The following SETD6 variants were observed in gnomAD, a reference collection of about 807,000 sequenced individuals.
The protein encoded by SETD6 is N-lysine methyltransferase SETD6.
A neutral mutation model predicts 52.7 loss-of-function variants in SETD6; 67 were observed. That is an observed-to-expected ratio of 1.27 (90% confidence interval 1.04 to 1.56). The LOEUF is 1.56. Ranked by LOEUF, SETD6 falls within the 40% of genes most tolerant of loss-of-function variation. The probability of loss-of-function intolerance (pLI) is 0.00; values close to 1 mark genes in which losing one functional copy is unlikely to be tolerated. For missense variants in SETD6, 712 were observed against 607.5 expected, an observed-to-expected ratio of 1.17 and a Z score of -1.81; for synonymous variants, 307 against 250.2, an observed-to-expected ratio of 1.23 and a Z score of -2.14.
chr16:58,523,262 A>C lies in SETD6; in HGVS notation c.*4233A>C, dbSNP rs563366105. ...TCCGTCTCAAAAAAACAAAAAAAAA[A>C]CCAACCAAACGGATTTTCACTGAAC... On this transcript the variant is annotated 3_prime_UTR_variant, in exon 8 of 8. Coordinates refer to ENST00000219315, the MANE Select transcript of SETD6 (RefSeq NM_001160305.4). 1.4e-4 allele frequency: 173 copies of C among 1,272,590 alleles called. No homozygotes were observed. Among genetic ancestry groups the C allele is most frequent in the South Asian group, 7.2e-4 (40 of 55,438 alleles). The allele number at this position is 1,272,590 out of a possible 1,614,324, so 78.8% of individuals were successfully genotyped here. A position where few individuals can be genotyped will look rare whatever the true frequency, so the allele number is the denominator to read the frequency against.
chr16:58,516,768 C>G (rs765507593), intron 4 of SETD6, 40 bp from the exon 5 acceptor site: 6 of 1,612,996 alleles, frequency 3.7e-6, no homozygotes, highest in African/African-American at 2.7e-5. Flanking sequence ...CCCAGTCCCT[C>G]ACCCAAGACA....
Position 58,519,526 on chromosome 16 carries a change from A to ACTT in SETD6, c.*499_*501dup, listed in dbSNP as rs1330930543. On this transcript the variant is annotated 3_prime_UTR_variant, in exon 8 of 8. Coordinates refer to ENST00000219315, the MANE Select transcript of SETD6 (RefSeq NM_001160305.4). ...AACCCTAAGACATCACTCAAGGAGG[A>ACTT]CTTCAATTATTTAATTTTGAACTGT... The ACTT allele has an allele frequency of 1.3e-5, 2 of 154,216 alleles. No homozygotes were observed. The highest frequency in any genetic ancestry group is 4.8e-5 in the African/African-American group (2 of 41,432). 9.6% of individuals were successfully genotyped at this position (154,216 alleles called of 1,614,324 possible). A position where few individuals can be genotyped will look rare whatever the true frequency, so the allele number is the denominator to read the frequency against.
In SETD6 at chr16:58,519,307, A is replaced by G. The variant is rs1265061205; in HGVS notation, c.*278A>G. Reference sequence around the variant, plus strand: ...CAAAGCCAGTGGACATACGGTAGTAATAAGTAAGTCTTGTTGTGTTTCAGC... The same window carrying G: ...CAAAGCCAGTGGACATACGGTAGTAGTAAGTAAGTCTTGTTGTGTTTCAGC... On this transcript the variant is annotated 3_prime_UTR_variant, in exon 8 of 8. Coordinates refer to ENST00000219315, the MANE Select transcript of SETD6 (RefSeq NM_001160305.4). 1.1e-5 allele frequency: 4 copies of G among 366,862 alleles called. No individual in the cohort carries two copies. Among genetic ancestry groups the G allele is most frequent in the Admixed American group, 8.9e-5 (2 of 22,416 alleles). The allele number at this position is 366,862 out of a possible 1,614,324, so 22.7% of individuals were successfully genotyped here.
Position 58,519,254 on chromosome 16 carries a change from T to A in SETD6, c.*225T>A. ...ACTGCTAATTGTTACTTAAAGCATGTTACAGATGTTTTGTTCTCAGTTTTA... is the reference window on the plus strand; with the variant it reads ...ACTGCTAATTGTTACTTAAAGCATGATACAGATGTTTTGTTCTCAGTTTTA... On this transcript the variant is annotated 3_prime_UTR_variant, in exon 8 of 8. Transcript: ENST00000219315. 1.9e-6 allele frequency: 1 copy of A among 528,754 alleles called. No homozygotes were observed. The highest frequency in any genetic ancestry group is 3.3e-6 in the Non-Finnish European group (1 of 299,554). 32.8% of individuals were successfully genotyped at this position (528,754 alleles called of 1,614,324 possible). A position where few individuals can be genotyped will look rare whatever the true frequency, so the allele number is the denominator to read the frequency against.
chr16:58,518,912 A>G lies in SETD6; in HGVS notation c.1305A>G (p.Gln435=). The change falls in exon 8 of 8, where the codon CAA becomes CAG. Residue 435 remains glutamine, a synonymous_variant. Transcript: ENST00000219315. The part of the protein sequence containing the change: ...QTYATDLKTD[Q]GLLSNKEVYA... ...ATGCCACAGACTTAAAAACTGACCA[A>G]GGTTTACTCAGTAATAAGGAAGTCT... is the stretch of plus-strand genomic sequence containing the variant. The G allele has an allele frequency of 1.2e-6, 2 of 1,614,226 alleles. No individual in the cohort carries two copies. The highest frequency in any genetic ancestry group is 4.5e-5 in the East Asian group (2 of 44,886).
intron 1 of SETD6, 73 bp downstream of exon 1, chr16:58,515,637 T>C: frequency 7.0e-7 from 1 of 1,426,766 alleles, no homozygotes. Flanking sequence ...ACCGTCCGCC[T>C]GCGCCCCCTC....
chr16:58,517,765 T>C lies in SETD6; in HGVS notation c.793-286T>C, dbSNP rs58471244. 8.9e-4 allele frequency: 398 copies of C among 445,062 alleles called. 5 individuals carry two copies. Among genetic ancestry groups the C allele is most frequent in the African/African-American group, 7.7e-3 (368 of 48,008 alleles). 27.6% of individuals were successfully genotyped at this position (445,062 alleles called of 1,614,324 possible). A position where few individuals can be genotyped will look rare whatever the true frequency, so the allele number is the denominator to read the frequency against. On this transcript the variant is annotated intron_variant, in intron 5 of 7. Transcript: ENST00000219315. ...TGCTGGGATTACAGGTGTGAGCCAC[T>C]GCGCCTGGCCGAAAATTTCGTTTTT...
Position 58,519,294 on chromosome 16 carries a change from A to G in SETD6, c.*265A>G, listed in dbSNP as rs567016484. 2.0e-5 allele frequency: 8 copies of G among 407,442 alleles called. No individual in the cohort carries two copies. The highest frequency in any genetic ancestry group is 1.4e-4 in the African/African-American group (7 of 49,934). The allele number at this position is 407,442 out of a possible 1,614,324, so 25.2% of individuals were successfully genotyped here. ...TCTCAGTTTTAACCAAAGCCAGTGG[A>G]CATACGGTAGTAATAAGTAAGTCTT... On this transcript the variant is annotated 3_prime_UTR_variant, in exon 8 of 8. Transcript: ENST00000219315.
Position 58,521,215 on chromosome 16 carries a change from A to G in SETD6, c.*2186A>G. 4 of 1,614,118 alleles carry G rather than the reference A, an allele frequency of 2.5e-6. No individual in the cohort carries two copies. Among genetic ancestry groups the G allele is most frequent in the Non-Finnish European group, 3.4e-6 (4 of 1,180,022 alleles). On this transcript the variant is annotated 3_prime_UTR_variant, in exon 8 of 8. Transcript: ENST00000219315. Reference sequence around the variant, plus strand: ...TTTCTGGGGCACAGTGTACAAATTCATGGTTCCAGAACTTAAACGCTGGGT... The same window carrying G: ...TTTCTGGGGCACAGTGTACAAATTCGTGGTTCCAGAACTTAAACGCTGGGT...
In SETD6 at chr16:58,523,549, C is replaced by T. The variant is rs1270011986; in HGVS notation, c.*4520C>T. ...CTTAGGACTTAGTCTGAAAGGCCAA[C>T]ATGGGAAGACAGTTCTAACTGGCTA... On this transcript the variant is annotated 3_prime_UTR_variant, in exon 8 of 8. Coordinates refer to ENST00000219315, the MANE Select transcript of SETD6 (RefSeq NM_001160305.4). 1 of 1,592,982 alleles carries T rather than the reference C, an allele frequency of 6.3e-7. No individual in the cohort carries two copies. The highest frequency in any genetic ancestry group is 2.2e-5 in the East Asian group (1 of 44,740).
At position 58,520,003 on chromosome 16, in the gene SETD6, T is replaced by G. The variant is rs949237952; in HGVS notation, c.*974T>G. On this transcript the variant is annotated 3_prime_UTR_variant, in exon 8 of 8. Coordinates refer to ENST00000219315, the MANE Select transcript of SETD6 (RefSeq NM_001160305.4). ...ACAGTATGCATACACATACAAGAAG[T>G]AGGGGAGCTGAAGCCCAGGAAAAGG... 6.6e-6 allele frequency: 1 copy of G among 152,100 alleles called. No individual in the cohort carries two copies. Among genetic ancestry groups the G allele is most frequent in the African/African-American group, 2.4e-5 (1 of 41,406 alleles). The allele number at this position is 152,100 out of a possible 1,614,324, so 9.4% of individuals were successfully genotyped here. A position where few individuals can be genotyped will look rare whatever the true frequency, so the allele number is the denominator to read the frequency against.
In SETD6 at chr16:58,522,662, T is replaced by C. The variant is rs40187; in HGVS notation, c.*3633T>C. On this transcript the variant is annotated 3_prime_UTR_variant, in exon 8 of 8. Coordinates refer to ENST00000219315, the MANE Select transcript of SETD6 (RefSeq NM_001160305.4). ...GGAAAATGCAAGTATGATCCTGTTA[T>C]TGCTACTGCTTTCAACCCAGAGGTA... Among the ~76,000 whole-genome samples, 37,548 of 152,110 alleles carry C rather than the reference T, an allele frequency of 0.25. 5,046 individuals are homozygous for C. Among genetic ancestry groups the C allele is most frequent in the East Asian group, 0.38 (1,962 of 5,164 alleles).
Position 58,516,091 on chromosome 16 carries a change from G to A in SETD6, c.328G>A (p.Glu110Lys), listed in dbSNP as rs775157737. The change falls in exon 2 of 8, where the codon GAG becomes AAG. Residue 110 changes from glutamate (E) to lysine (K), a missense_variant. Glu to Lys is a moderately conservative substitution (Grantham distance 56, BLOSUM62 1). Coordinates refer to ENST00000219315, the MANE Select transcript of SETD6 (RefSeq NM_001160305.4). Reference sequence around the variant, plus strand: ...CACCTGCTCCATCGGCGGCCTGCTGGAGCGAGGTGGGCACGGCGGCGGGCT... The same window carrying A: ...CACCTGCTCCATCGGCGGCCTGCTGAAGCGAGGTGGGCACGGCGGCGGGCT... ...QHTCSIGGLL[E>K]RERVALQSQS... The A allele has an allele frequency of 2.2e-5, 31 of 1,397,908 alleles. No individual in the cohort carries two copies. Among genetic ancestry groups the A allele is most frequent in the Non-Finnish European group, 2.9e-5 (31 of 1,080,452 alleles). 86.6% of individuals were successfully genotyped at this position (1,397,908 alleles called of 1,614,324 possible).
rs1242932340 is a variant in SETD6 at position 58,519,236 on chromosome 16, A to G, written c.*207A>G. The G allele has an allele frequency of 1.8e-6, 1 of 555,800 alleles. No homozygotes were observed. The allele number at this position is 555,800 out of a possible 1,614,324, so 34.4% of individuals were successfully genotyped here. A position where few individuals can be genotyped will look rare whatever the true frequency, so the allele number is the denominator to read the frequency against. Reference sequence around the variant, plus strand: ...ACAGCAGACTTGGGAATCACTGCTAATTGTTACTTAAAGCATGTTACAGAT... The same window carrying G: ...ACAGCAGACTTGGGAATCACTGCTAGTTGTTACTTAAAGCATGTTACAGAT... On this transcript the variant is annotated 3_prime_UTR_variant, in exon 8 of 8. Transcript: ENST00000219315.
At position 58,518,741 on chromosome 16, in the gene SETD6, T is replaced by C. The variant is rs1245422177; in HGVS notation, c.1134T>C (p.Ala378=). Residue 378 remains alanine (A), a synonymous_variant, in exon 8 of 8, where the codon GCT becomes GCC. Transcript: ENST00000219315. Reference sequence around the variant, plus strand: ...GCTTCTAGGTACTGTGCATGCCTGCTGAGGAGTTCAGAGAGCTTAAAGACC... The same window carrying C: ...GCTTCTAGGTACTGTGCATGCCTGCCGAGGAGTTCAGAGAGCTTAAAGACC... ...TTTLKVLCMP[A]EEFRELKDQD... is the part of the protein sequence containing the mutation. 1 of 1,614,104 alleles carries C rather than the reference T, an allele frequency of 6.2e-7. No individual in the cohort carries two copies. The highest frequency in any genetic ancestry group is 1.1e-5 in the South Asian group (1 of 91,068).
chr16:58,518,582 A>C, intron 7 of SETD6, 39 bp downstream of exon 7: 3 of 1,587,914 alleles, frequency 1.9e-6, no homozygotes, highest in Non-Finnish European at 8.5e-7. Context: ...CTGATAATCT[A>C]AGTATTTAAA....
chr16:58,520,313 G>T lies in SETD6; in HGVS notation c.*1284G>T, dbSNP rs549189509. Reference sequence around the variant, plus strand: ...TAAAGAGCTGACCCCCATCTCAGGCGGCTGAGGTGTATAATCCCCAAAAGA... The same window carrying T: ...TAAAGAGCTGACCCCCATCTCAGGCTGCTGAGGTGTATAATCCCCAAAAGA... On this transcript the variant is annotated 3_prime_UTR_variant, in exon 8 of 8. Coordinates refer to ENST00000219315, the MANE Select transcript of SETD6 (RefSeq NM_001160305.4). 1 of 152,244 alleles carries T rather than the reference G, an allele frequency of 6.6e-6. No homozygotes were observed. Among genetic ancestry groups the T allele is most frequent in the Non-Finnish European group, 1.5e-5 (1 of 68,152 alleles). The allele number at this position is 152,244 out of a possible 1,614,324, so 9.4% of individuals were successfully genotyped here. A position where few individuals can be genotyped will look rare whatever the true frequency, so the allele number is the denominator to read the frequency against.
chr16:58,523,682 C>T lies in SETD6; in HGVS notation c.*4653C>T. 1 of 485,914 alleles carries T rather than the reference C, an allele frequency of 2.1e-6. No individual in the cohort carries two copies. Among genetic ancestry groups the T allele is most frequent in the East Asian group, 3.1e-5 (1 of 32,376 alleles). 30.1% of individuals were successfully genotyped at this position (485,914 alleles called of 1,614,324 possible). On this transcript the variant is annotated 3_prime_UTR_variant, in exon 8 of 8. Coordinates refer to ENST00000219315, the MANE Select transcript of SETD6 (RefSeq NM_001160305.4). ...CTGTGCGTTTTATTTCAGAATTTTC[C>T]ACATTAGAAATTAGATTTTAAAAAT...
Position 58,520,985 on chromosome 16 carries a change from T to G in SETD6, c.*1956T>G, listed in dbSNP as rs879905467. On this transcript the variant is annotated 3_prime_UTR_variant, in exon 8 of 8. Transcript: ENST00000219315. Reference sequence around the variant, plus strand: ...AACTGGCACCTGTCCCTTCCATTACTTGCTGGGCCTGCTTCTGTCCCATGC... The same window carrying G: ...AACTGGCACCTGTCCCTTCCATTACGTGCTGGGCCTGCTTCTGTCCCATGC... The G allele has an allele frequency of 1.4e-5, 22 of 1,613,914 alleles. No homozygotes were observed. Among genetic ancestry groups the G allele is most frequent in the Non-Finnish European group, 1.9e-5 (22 of 1,180,044 alleles).
Sources: gnomAD v4.1 joint callset for allele counts (sites outside exome capture counted in the v4.1 genomes callset) on GRCh38, gnomAD v4.1.1 for gene constraint, MANE v1.5 for transcripts, NCBI Gene and HGNC (gene_info 2026-07-23, HGNC 2026-07-21) for gene names.